The following IRAG2 variants were observed in gnomAD, a reference collection of about 807,000 sequenced individuals.
IRAG2 encodes inositol 1,4,5-triphosphate receptor associated 2.
In IRAG2, 45 loss-of-function variants were observed where a neutral mutation model predicts 69.9. The observed-to-expected ratio is 0.64, with a 90% CI of 0.51 to 0.83. The LOEUF is 0.83. IRAG2 is among the 40% of genes least tolerant of loss of function. The probability of loss-of-function intolerance (pLI) is 0.00; values close to 1 mark genes in which losing one functional copy is unlikely to be tolerated. For synonymous variants in IRAG2, 193 were observed against 202.4 expected (o/e 0.95, Z 0.40); for missense variants, 520 against 587.0 (o/e 0.89, Z 1.18).
chr12:25,083,638 G>A, intron 10 of IRAG2, 145 bp downstream of exon 10: 1 of 558,254 alleles, frequency 1.8e-6, no homozygotes, highest in Non-Finnish European at 3.1e-6. Flanking sequence ...ATATTTTATA[G>A]GCAAAGTAGT....
chr12:25,063,278 G>T (rs1565548015), intron 3 of IRAG2, among the ~76,000 whole-genome samples: 1 of 152,156 alleles, frequency 6.6e-6, no homozygotes, highest in Non-Finnish European at 1.5e-5. Flanking sequence ...GGCCAGGCTG[G>T]TGACCTGAAG....
At position 25,103,673 on chromosome 12, in the gene IRAG2, T is replaced by A. The variant is rs1565592180; in HGVS notation, c.934-164T>A. The A allele has an allele frequency of 1.4e-4, 80 of 556,022 alleles. 1 individual carries two copies. In the South Asian group the frequency reaches 2.0e-3, roughly 14 times the overall value. 34.4% of individuals were successfully genotyped at this position (556,022 alleles called of 1,614,324 possible). On this transcript the variant is annotated intron_variant, in intron 17 of 21. Transcript: ENST00000556887. Reference sequence around the variant, plus strand: ...GGTGGAATATAAATTGGTAAAATATTTCTGGAAGACAATTTGGCCACAAGA... The same window carrying A: ...GGTGGAATATAAATTGGTAAAATATATCTGGAAGACAATTTGGCCACAAGA...
upstream of IRAG2, among the ~76,000 whole-genome samples, chr12:25,049,641 G>T (rs145336783): frequency 6.6e-6 from 1 of 152,184 alleles, no homozygotes; most frequent in Admixed American, 6.5e-5. Flanking sequence ...TTAGGAAAAT[G>T]CAAGTTAAGA....
At chr12:24,999,412 CTGTA>C (rs948236598), upstream of IRAG2, among the ~76,000 whole-genome samples, 12 of 152,258 alleles carry the variant, frequency 7.9e-5, no homozygotes, top group African/African-American at 2.6e-4. Context: ...AGAGCTTTGA[CTGTA>C]TGGAACAAGA....
At chr12:25,100,756 C>G (rs1948707513) in intron 15 of IRAG2, 1 of 153,222 alleles carries the variant, frequency 6.5e-6, no homozygotes, top group Admixed American at 6.5e-5. Flanking sequence ...TGTATGTAGT[C>G]TTTCACCAAA....
intron 1 of IRAG2, among the ~76,000 whole-genome samples, chr12:25,056,476 C>G (rs1439991989): frequency 3.3e-5 from 5 of 152,346 alleles, no homozygotes; most frequent in Non-Finnish European, 5.9e-5. Flanking sequence ...TGTGTTCTCA[C>G]TCAAAGTCCA....
chr12:25,091,574 TG>T (rs1482987248), intron 14 of IRAG2, among the ~76,000 whole-genome samples: 1 of 152,232 alleles, frequency 6.6e-6, no homozygotes, highest in East Asian at 1.9e-4. Flanking sequence ...AAATATCTCT[TG>T]GAGACCCTTG....
chr12:25,070,288 C>G (rs1467542205), intron 6 of IRAG2, among the ~76,000 whole-genome samples: 1 of 152,138 alleles, frequency 6.6e-6, no homozygotes, highest in Non-Finnish European at 1.5e-5. Context: ...TCCCCAACCC[C>G]CAGCTGGAGG....
At position 25,083,466 on chromosome 12, in the gene IRAG2, G is replaced by A. The variant is rs768379524; in HGVS notation, c.288G>A (p.Thr96=). ...ATAATATTGCATTCCAAGACTCTAC[G>A]AGTAAGGATAAAACCATATTAAATC... ...AHDNIAFQDS[T]SKDKTILNLE... The change falls in exon 10 of 22, where the codon ACG becomes ACA. Residue 96 remains threonine, a synonymous_variant. Transcript: ENST00000556887. 12 of 1,610,676 alleles carry A rather than the reference G, an allele frequency of 7.5e-6. No individual in the cohort carries two copies. The highest frequency in any genetic ancestry group is 4.0e-5 in the African/African-American group (3 of 74,814).
In IRAG2 at chr12:25,032,208, C is replaced by T. The variant is rs187604012; in HGVS notation, c.1578+7C>T. ...ATATGGAAGCATTATAGAGGTATACCTGTTATTATTAATCTCACACCTTGC... is the reference window on the plus strand; with the variant it reads ...ATATGGAAGCATTATAGAGGTATACTTGTTATTATTAATCTCACACCTTGC... On this transcript the variant is annotated splice_region_variant and intron_variant, in intron 11 of 38. Coordinates refer to the IRAG2 transcript ENST00000636465. 6.6e-4 allele frequency: 263 copies of T among 398,910 alleles called. No homozygotes were observed. The East Asian group carries it at 9.0e-3, about 14-fold the overall frequency. The allele number at this position is 398,910 out of a possible 1,614,324, so 24.7% of individuals were successfully genotyped here. A position where few individuals can be genotyped will look rare whatever the true frequency, so the allele number is the denominator to read the frequency against.
Position 25,005,135 on chromosome 12 carries a change from G to T in IRAG2, c.575-106G>T, listed in dbSNP as rs981489966. 3 of 525,072 alleles carry T rather than the reference G, an allele frequency of 5.7e-6. No individual in the cohort carries two copies. The African/African-American group carries it at 5.9e-5, about 10-fold the overall frequency. 32.5% of individuals were successfully genotyped at this position (525,072 alleles called of 1,614,324 possible). On this transcript the variant is annotated intron_variant, in intron 1 of 38. Transcript: ENST00000636465. ...ATATTTCCCTATATCTAAGGGGAAG[G>T]CTGTTTATTATGATAGGTTTTCTTT...
chr12:24,998,360 T>C, the IRAG2 span, among the ~76,000 whole-genome samples: 1 of 152,230 alleles, frequency 6.6e-6, no homozygotes, highest in African/African-American at 2.4e-5. Flanking sequence ...ATTTACTAAA[T>C]CTGGTACTTG....
chr12:25,020,561 T>C (rs1338600621), intron 6 of IRAG2, among the ~76,000 whole-genome samples: 2 of 152,234 alleles, frequency 1.3e-5, no homozygotes, highest in African/African-American at 2.4e-5. Context: ...GCTTCAGGAA[T>C]ACATTTGTCT....
chr12:25,046,399 A>C (rs1262271277), intron 16 of IRAG2, among the ~76,000 whole-genome samples: 1 of 152,136 alleles, frequency 6.6e-6, no homozygotes, highest in Non-Finnish European at 1.5e-5. Flanking sequence ...ATATAAAAGG[A>C]AGAAGTAAAA....
chr12:25,061,953 G>T (rs1459028509), intron 2 of IRAG2, among the ~76,000 whole-genome samples: 1 of 152,120 alleles, frequency 6.6e-6, no homozygotes, highest in African/African-American at 2.4e-5. Flanking sequence ...CAGTCTTGGG[G>T]ACCTCCTTTC....
chr12:25,011,573 T>G (rs1371148191), intron 3 of IRAG2: 1 of 1,213,938 alleles, frequency 8.2e-7, no homozygotes, highest in African/African-American at 1.6e-5. Flanking sequence ...CCTAGTGGGA[T>G]GCAGTTTAAG....
Position 25,101,236 on chromosome 12 carries a change from G to C in IRAG2, c.800G>C (p.Arg267Thr). 1.9e-6 allele frequency: 3 copies of C among 1,612,722 alleles called. No individual in the cohort carries two copies. The highest frequency in any genetic ancestry group is 2.5e-6 in the Non-Finnish European group (3 of 1,179,186). ...VMIQHVENLK[R>T]MYAKEHAELE... ...ATTCAGCACGTAGAAAACTTGAAGAGGATGTATGCCAAAGAGCACGCTGAA... is the reference window on the plus strand; with the variant it reads ...ATTCAGCACGTAGAAAACTTGAAGACGATGTATGCCAAAGAGCACGCTGAA... Residue 267 changes from arginine to threonine, a missense_variant, in exon 16 of 22, where the codon AGG becomes ACG. By Grantham distance (71) the Arg-to-Thr change is moderately conservative. Transcript: ENST00000556887.
chr12:25,077,174 CATATATATATGATATATATATGAA>C lies in IRAG2; in HGVS notation c.25-2050_25-2027del, dbSNP rs199902339. On this transcript the variant is annotated intron_variant, in intron 6 of 21. Transcript: ENST00000556887. ...GTGTGCCACCGTGCCTTGTTCATTT[CATATATATATGATATATATATGAA>C]ATATATATATGATATATATGAAATA... Among the ~76,000 whole-genome samples, 198 of 35,872 alleles carry C rather than the reference CATATATATATGATATATATATGAA, an allele frequency of 5.5e-3. 12 individuals carry two copies. Among genetic ancestry groups the C allele is most frequent in the African/African-American group, 0.013 (142 of 11,160 alleles). 23.5% of individuals were successfully genotyped at this position (35,872 alleles called of 152,430 possible).
chr12:25,015,235 A>T, exon 4 of IRAG2: 1 of 1,226,070 alleles, frequency 8.2e-7, no homozygotes, highest in Non-Finnish European at 1.0e-6. Context: ...GTTTGTGAAC[A>T]GGATGGCATA....
Sources: gnomAD v4.1 joint callset for allele counts (sites outside exome capture counted in the v4.1 genomes callset) on GRCh38, gnomAD v4.1.1 for gene constraint, MANE v1.5 for transcripts, NCBI Gene and HGNC (gene_info 2026-07-23, HGNC 2026-07-21) for gene names.